The following CHST3 variants were observed in gnomAD, a reference collection of about 807,000 sequenced individuals.
CHST3 encodes the protein carbohydrate sulfotransferase 3.
In CHST3, 20 loss-of-function variants were observed where a neutral mutation model predicts 35.4. That is an observed-to-expected ratio of 0.57 (90% CI 0.40 to 0.82). CHST3 has a LOEUF of 0.82. Ranked by LOEUF, CHST3 falls within the 40% of genes least tolerant of loss-of-function variation. The probability of loss-of-function intolerance (pLI) is 0.00; values close to 1 mark genes in which losing one functional copy is unlikely to be tolerated. For missense variants in CHST3, 693 were observed against 670.1 expected (o/e 1.03, Z -0.38); for synonymous variants, 334 against 295.9 (o/e 1.13, Z -1.32).
chr10:71,988,975 C>A (rs964054106), intron 1 of CHST3, among the ~76,000 whole-genome samples: 1 of 152,104 alleles, frequency 6.6e-6, no homozygotes, highest in African/African-American at 2.4e-5. Flanking sequence ...CCAGCCTGAC[C>A]AAAATGGTGA....
intron 1 of CHST3, among the ~76,000 whole-genome samples, chr10:71,990,135 G>C (rs1249526441): frequency 1.3e-5 from 2 of 152,150 alleles, no homozygotes; most frequent in African/African-American, 4.8e-5. Context: ...TTCCTGGGTC[G>C]AAGAGTGTTA....
chr10:72,007,588 T>G lies in CHST3; in HGVS notation c.557T>G (p.Leu186Arg). ...GGCGCCAACGCCGCGGGCTCGGCCC[T>G]GGTGTACCGCGACGTGCTCAAGCAG... ...PGGANAAGSA[L>R]VYRDVLKQLF... Residue 186 changes from leucine (L) to arginine (R), a missense_variant, in exon 3 of 3, where the codon CTG (leucine) becomes CGG (arginine). Coordinates refer to ENST00000373115, the MANE Select transcript of CHST3 (RefSeq NM_004273.5). 6.2e-7 allele frequency: 1 copy of G among 1,609,348 alleles called. No individual in the cohort carries two copies. Among genetic ancestry groups the G allele is most frequent in the Non-Finnish European group, 8.5e-7 (1 of 1,179,774 alleles).
chr10:72,007,457 C>A lies in CHST3; in HGVS notation c.426C>A (p.Arg142=), dbSNP rs1476856728. The change falls in exon 3 of 3, where the codon CGC becomes CGA. Residue 142 remains arginine, a synonymous_variant. Coordinates refer to ENST00000373115, the MANE Select transcript of CHST3 (RefSeq NM_004273.5). ...RRHVLLMATT[R]TGSSFVGEFF... ...ACGTGCTGCTCATGGCCACCACGCG[C>A]ACCGGCTCCTCGTTCGTGGGCGAGT... is the stretch of plus-strand genomic sequence containing the variant. 1 of 1,603,202 alleles carries A rather than the reference C, an allele frequency of 6.2e-7. No individual in the cohort carries two copies. Among genetic ancestry groups the A allele is most frequent in the South Asian group, 1.1e-5 (1 of 91,012 alleles).
chr10:71,971,849 C>T (rs1265648498), intron 1 of CHST3, among the ~76,000 whole-genome samples: 1 of 152,086 alleles, frequency 6.6e-6, no homozygotes, highest in African/African-American at 2.4e-5. Flanking sequence ...GAAGAGGCCC[C>T]GAGAATAGAA....
chr10:72,003,609 G>T (rs1361396880), intron 1 of CHST3, among the ~76,000 whole-genome samples: 1 of 150,836 alleles, frequency 6.6e-6, no homozygotes, highest in Non-Finnish European at 1.5e-5. Context: ...GCTGAGGCAC[G>T]AGAATTACTT....
Position 72,010,287 on chromosome 10 carries a change from A to C in CHST3, c.*1816A>C, listed in dbSNP as rs1455739344. The C allele has an allele frequency of 1.3e-5, 2 of 152,264 alleles. No homozygotes were observed. The highest frequency in any genetic ancestry group is 4.8e-5 in the African/African-American group (2 of 41,444). 9.4% of individuals were successfully genotyped at this position (152,264 alleles called of 1,614,324 possible). A position where few individuals can be genotyped will look rare whatever the true frequency, so the allele number is the denominator to read the frequency against. ...TATCCAGAGCTTACAAGGAGCTGCA[A>C]GGGTTTGCCGAGGGCTGCCCAGCTC... is the stretch of plus-strand genomic sequence containing the variant. On this transcript the variant is annotated 3_prime_UTR_variant, in exon 3 of 3. Coordinates refer to ENST00000373115, the MANE Select transcript of CHST3 (RefSeq NM_004273.5).
At chr10:71,987,802 C>T (rs1839862979) in intron 1 of CHST3, among the ~76,000 whole-genome samples, 1 of 151,902 alleles carries the variant, frequency 6.6e-6, no homozygotes, top group Admixed American at 6.6e-5. Flanking sequence ...CTGTCCTGTC[C>T]CTTACTTGAT....
chr10:71,988,619 A>G (rs945715973), intron 1 of CHST3, among the ~76,000 whole-genome samples: 2 of 152,230 alleles, frequency 1.3e-5, no homozygotes, highest in African/African-American at 4.8e-5. Flanking sequence ...TGCCAGCACC[A>G]TGCTTCTTGT....
chr10:71,996,567 TA>T (rs562474139), intron 1 of CHST3, among the ~76,000 whole-genome samples: 30 of 152,230 alleles, frequency 2.0e-4, no homozygotes, highest in African/African-American at 7.2e-4. Flanking sequence ...CGTCATAACA[TA>T]AGCATCTTTC....
chr10:72,007,364 G>A lies in CHST3; in HGVS notation c.333G>A (p.Gly111=). Residue 111 remains glycine (G), a synonymous_variant, in exon 3 of 3, where the codon GGG becomes GGA. Coordinates refer to ENST00000373115, the MANE Select transcript of CHST3 (RefSeq NM_004273.5). The part of the protein sequence containing the change: ...LGVEPAMEAA[G]EEEEEQRKEE... ...TGGAGCCAGCCATGGAGGCCGCAGG[G>A]GAGGAAGAGGAAGAGCAGAGAAAGG... 6.2e-7 allele frequency: 1 copy of A among 1,606,486 alleles called. No individual in the cohort carries two copies. The highest frequency in any genetic ancestry group is 1.7e-4 in the Middle Eastern group (1 of 6,048).
chr10:71,992,709 G>A (rs1589503548), intron 1 of CHST3, among the ~76,000 whole-genome samples: 2 of 144,542 alleles, frequency 1.4e-5, no homozygotes, highest in South Asian at 4.4e-4. Flanking sequence ...TGCCCAGGCT[G>A]GAGTGCAGTG....
intron 1 of CHST3, among the ~76,000 whole-genome samples, chr10:71,993,873 G>C (rs560175475): frequency 6.2e-4 from 95 of 152,312 alleles, no homozygotes; most frequent in African/African-American, 2.0e-3. Flanking sequence ...GCTGAGGTGG[G>C]TGGATCACCT....
intron 1 of CHST3, among the ~76,000 whole-genome samples, chr10:71,986,343 G>A (rs1005681201): frequency 2.0e-5 from 3 of 152,166 alleles, no homozygotes; most frequent in Non-Finnish European, 4.4e-5. Flanking sequence ...ATCTGGAGGT[G>A]GCACCCAGGC....
chr10:71,997,553 A>G (rs1176198835), intron 1 of CHST3, among the ~76,000 whole-genome samples: 2 of 152,158 alleles, frequency 1.3e-5, no homozygotes, highest in African/African-American at 4.8e-5. Flanking sequence ...TTCCAAAGTG[A>G]TAATACATTC....
intron 1 of CHST3, among the ~76,000 whole-genome samples, chr10:71,987,647 C>T (rs191118523): frequency 4.4e-5 from 6 of 136,086 alleles, no homozygotes; most frequent in African/African-American, 1.1e-4. Context: ...ACCCGGGAGG[C>T]GGAGGTTGCG....
At chr10:71,977,650 C>T (rs1256514676) in intron 1 of CHST3, among the ~76,000 whole-genome samples, 2 of 138,796 alleles carry the variant, frequency 1.4e-5, no homozygotes, top group Non-Finnish European at 3.3e-5. Flanking sequence ...CTATGTTGCC[C>T]AGGCTGGAGC....
intron 1 of CHST3, among the ~76,000 whole-genome samples, chr10:72,000,836 G>A (rs1244859492): frequency 6.6e-6 from 1 of 152,078 alleles, no homozygotes; most frequent in African/African-American, 2.4e-5. Flanking sequence ...CCATAGAAGA[G>A]GCTGGGCCTG....
chr10:72,000,036 T>C (rs4148932), intron 1 of CHST3, among the ~76,000 whole-genome samples: 76,598 of 152,126 alleles, frequency 0.5, 20,111 homozygotes, highest in Non-Finnish European at 0.59. Context: ...TGCCCACAGT[T>C]GGTGGCCATG....
intron 1 of CHST3, among the ~76,000 whole-genome samples, chr10:71,983,538 C>A (rs1342994490): frequency 6.6e-6 from 1 of 152,122 alleles, no homozygotes. Flanking sequence ...GCAACCTCTG[C>A]CTCCCGGGTT....
Sources: gnomAD v4.1 joint callset for allele counts (sites outside exome capture counted in the v4.1 genomes callset) on GRCh38, gnomAD v4.1.1 for gene constraint, MANE v1.5 for transcripts, NCBI Gene and HGNC (gene_info 2026-07-23, HGNC 2026-07-21) for gene names.